PTK2: variants seen among roughly 807,000 people sequenced by gnomAD.
The protein encoded by PTK2 is focal adhesion kinase 1.
In PTK2, 45 loss-of-function variants were observed where a neutral mutation model predicts 150.1. The observed-to-expected ratio is 0.30, with a 90% confidence interval of 0.24 to 0.38. The LOEUF (loss-of-function observed/expected upper bound fraction) is 0.38. PTK2 is among the 10% of genes least tolerant of loss of function. The pLI, the probability that PTK2 is intolerant of heterozygous loss-of-function variation, is 1.00. For synonymous variants in PTK2, 432 were observed against 449.2 expected, an observed-to-expected ratio of 0.96 and a Z score of 0.48; for missense variants, 919 against 1,307.3, an observed-to-expected ratio of 0.70 and a Z score of 4.58.
intron 2 of PTK2, among the ~76,000 whole-genome samples, chr8:140,924,324 T>C (rs1168199709): frequency 6.6e-6 from 1 of 152,194 alleles, no homozygotes; most frequent in Non-Finnish European, 1.5e-5. Flanking sequence ...CTCTCCCTGC[T>C]TCATTTTATT....
At chr8:140,983,225 A>G (rs1588627121) in intron 1 of PTK2, among the ~76,000 whole-genome samples, 2 of 151,988 alleles carry the variant, frequency 1.3e-5, no homozygotes, top group Admixed American at 1.3e-4. Flanking sequence ...TGTCTCTACT[A>G]AAAATGCAAA....
At chr8:140,832,657 G>A (rs2154603082) in intron 7 of PTK2, among the ~76,000 whole-genome samples, 1 of 152,270 alleles carries the variant, frequency 6.6e-6, no homozygotes, top group East Asian at 1.9e-4. Context: ...GAAGCGGTGA[G>A]AAGTGGTGAG....
intron 2 of PTK2, among the ~76,000 whole-genome samples, chr8:140,911,866 A>G (rs907748994): frequency 7.2e-5 from 11 of 152,234 alleles, no homozygotes; most frequent in Admixed American, 3.9e-4. Flanking sequence ...CAAGGAAAAA[A>G]ATTACAAACA....
At chr8:140,663,714 C>A (rs1306259670) in intron 31 of PTK2, among the ~76,000 whole-genome samples, 1 of 152,120 alleles carries the variant, frequency 6.6e-6, no homozygotes, top group Non-Finnish European at 1.5e-5. Flanking sequence ...TGCTCTGTCA[C>A]CCAGGATGGA....
At chr8:140,688,157 C>A (rs1369210073) in intron 26 of PTK2, among the ~76,000 whole-genome samples, 2 of 152,166 alleles carry the variant, frequency 1.3e-5, no homozygotes, top group Non-Finnish European at 2.9e-5. Context: ...GAATAGACAG[C>A]CCTGACAGCA....
intron 2 of PTK2, among the ~76,000 whole-genome samples, chr8:140,895,544 C>T (rs1297591751): frequency 2.0e-5 from 3 of 150,030 alleles, no homozygotes; most frequent in Non-Finnish European, 3.0e-5. Flanking sequence ...AAAAAAATTA[C>T]GTATTTAAAT....
intron 1 of PTK2, among the ~76,000 whole-genome samples, chr8:140,988,402 T>C (rs2100194184): frequency 6.6e-6 from 1 of 152,172 alleles, no homozygotes; most frequent in Non-Finnish European, 1.5e-5. Context: ...TTAGTGCTTG[T>C]GGAATCAAAG....
chr8:140,823,897 G>A (rs763274418), intron 8 of PTK2, among the ~76,000 whole-genome samples: 6 of 152,092 alleles, frequency 3.9e-5, no homozygotes, highest in African/African-American at 7.2e-5. Context: ...TAGACTTTAC[G>A]CCCGTAACAT....
chr8:140,766,522 T>A (rs977563084), intron 14 of PTK2, among the ~76,000 whole-genome samples: 15 of 152,250 alleles, frequency 9.9e-5, no homozygotes, highest in African/African-American at 3.4e-4. Flanking sequence ...TCCTGTGAAC[T>A]GTATGCCCAC....
At chr8:140,767,479 A>G (rs1040849048) in intron 14 of PTK2, among the ~76,000 whole-genome samples, 2 of 152,002 alleles carry the variant, frequency 1.3e-5, no homozygotes, top group African/African-American at 4.8e-5. Context: ...TCTGGTGTAT[A>G]TTTCTAAGAA....
intron 5 of PTK2, among the ~76,000 whole-genome samples, chr8:140,859,432 A>G (rs1447651019): frequency 6.6e-6 from 1 of 152,228 alleles, no homozygotes; most frequent in Non-Finnish European, 1.5e-5. Flanking sequence ...ATATTATAGA[A>G]TCTACAGAAT....
At chr8:140,927,604 C>T (rs913028628) in intron 1 of PTK2, among the ~76,000 whole-genome samples, 2 of 152,080 alleles carry the variant, frequency 1.3e-5, no homozygotes, top group Non-Finnish European at 2.9e-5. Context: ...CAACAATATA[C>T]ATTTTAAATT....
intron 8 of PTK2, among the ~76,000 whole-genome samples, chr8:140,820,076 G>GTTTTTTTTTTTTTTTTTT (rs370537018): frequency 6.0e-5 from 3 of 50,254 alleles, no homozygotes; most frequent in Non-Finnish European, 1.3e-4. Flanking sequence ...TCTGACTTTG[G>GTTTTTTTTTTTTTTTTTT]TTTTTTTTTT....
At chr8:140,707,499 G>A (rs908564735) in intron 23 of PTK2, among the ~76,000 whole-genome samples, 3 of 152,188 alleles carry the variant, frequency 2.0e-5, no homozygotes, top group African/African-American at 7.2e-5. Flanking sequence ...ACTGCCTCCC[G>A]GGTTTGAGTG....
chr8:140,732,420 T>C (rs1391058378), intron 22 of PTK2: 2 of 418,390 alleles, frequency 4.8e-6, no homozygotes, highest in Admixed American at 6.8e-5. Context: ...ATGTATTGGA[T>C]ACTTTTTGGA....
intron 23 of PTK2, among the ~76,000 whole-genome samples, chr8:140,716,155 G>C (rs1015336754): frequency 3.3e-5 from 5 of 152,210 alleles, no homozygotes; most frequent in Non-Finnish European, 1.5e-5. Flanking sequence ...ATTTGGAGTA[G>C]GTAGGTGACT....
At chr8:140,895,211 G>A (rs1008910034) in intron 2 of PTK2, among the ~76,000 whole-genome samples, 19 of 152,282 alleles carry the variant, frequency 1.2e-4, no homozygotes, top group African/African-American at 4.6e-4. Context: ...TGTGAATGTA[G>A]ACAGAGCTAT....
At chr8:140,664,800 A>G in intron 31 of PTK2, 117 bp downstream of exon 35, 1 of 976,980 alleles carries the variant, frequency 1.0e-6, no homozygotes, top group Non-Finnish European at 1.6e-6. Context: ...CTTGTAGGGC[A>G]GTTGATGTCT....
intron 20 of PTK2, among the ~76,000 whole-genome samples, chr8:140,742,073 C>T (rs946866335): frequency 6.6e-6 from 1 of 152,116 alleles, no homozygotes; most frequent in Non-Finnish European, 1.5e-5. Flanking sequence ...GAGGTCGAGA[C>T]TGTAATGAGC....
Sources: allele counts gnomAD v4.1 joint callset (sites outside exome capture counted in the v4.1 genomes callset), GRCh38; gene constraint gnomAD v4.1.1; transcripts MANE v1.5; gene names NCBI Gene and HGNC (gene_info 2026-07-23, HGNC 2026-07-21).